The following ARID1A variants were observed in gnomAD, a reference collection of about 807,000 sequenced individuals.
ARID1A encodes AT-rich interactive domain-containing protein 1A.
In ARID1A, 20 loss-of-function variants were observed where a neutral mutation model predicts 212.6. That is an observed-to-expected ratio of 0.09 (90% CI 0.07 to 0.14). The LOEUF is 0.14. Ranked by LOEUF, ARID1A falls within the 10% of genes least tolerant of loss-of-function variation. The pLI, the probability that ARID1A is intolerant of heterozygous loss-of-function variation, is 1.00. For synonymous variants in ARID1A, 1,376 were observed against 1,222.1 expected, an observed-to-expected ratio of 1.13 and a Z score of -2.63; for missense variants, 2,587 against 3,059.0, an observed-to-expected ratio of 0.85 and a Z score of 3.64.
intron 1 of ARID1A, among the ~76,000 whole-genome samples, chr1:26,705,801 G>C (rs1258608298): frequency 6.6e-6 from 1 of 152,164 alleles, no homozygotes; most frequent in African/African-American, 2.4e-5. Flanking sequence ...ACTTCTGTTT[G>C]TTTTTGTTAG....
At chr1:26,704,297 G>A (rs200031651) in intron 1 of ARID1A, among the ~76,000 whole-genome samples, 5 of 152,200 alleles carry the variant, frequency 3.3e-5, no homozygotes, top group African/African-American at 1.2e-4. Context: ...GGAAGGTCAT[G>A]TCACCTTCAG....
Position 26,696,670 on chromosome 1 carries a change from C to CGGCGGCGGCGG in ARID1A, c.267_268insGGCGGCGGCGG (p.Ser90GlyfsTer15). 7.6e-7 allele frequency: 1 copy of CGGCGGCGGCGG among 1,322,760 alleles called. No individual in the cohort carries two copies. The highest frequency in any genetic ancestry group is 9.6e-7 in the Non-Finnish European group (1 of 1,038,208). 81.9% of individuals were successfully genotyped at this position (1,322,760 alleles called of 1,614,324 possible). A position where few individuals can be genotyped will look rare whatever the true frequency, so the allele number is the denominator to read the frequency against. The stretch of plus-strand genomic sequence containing the variant: ...GGGGTGGCGGCGGCGGCGGAGCCGG[C>CGGCGGCGGCGG]AGCGGCGGCGGGCCCGGCGCGGAGC... On this transcript the variant is annotated frameshift_variant, in exon 1 of 20. Transcript: ENST00000324856. LOFTEE classifies it high-confidence loss of function.
At chr1:26,752,207 C>T (rs577498810) in intron 4 of ARID1A, among the ~76,000 whole-genome samples, 3 of 152,160 alleles carry the variant, frequency 2.0e-5, no homozygotes, top group South Asian at 4.1e-4. Context: ...GAATTACCAC[C>T]GGGTGTGAAA....
intron 4 of ARID1A, among the ~76,000 whole-genome samples, chr1:26,741,172 G>A (rs993822623): frequency 4.6e-5 from 7 of 152,148 alleles, no homozygotes; most frequent in African/African-American, 7.2e-5. Flanking sequence ...GGACGATGCC[G>A]GAGGCCATCA....
intron 1 of ARID1A, among the ~76,000 whole-genome samples, chr1:26,704,894 A>G (rs1475095554): frequency 6.6e-6 from 1 of 151,984 alleles, no homozygotes; most frequent in African/African-American, 2.4e-5. Context: ...TTATTAGGTT[A>G]CTATGGCCAA....
chr1:26,767,633 CT>C, intron 10 of ARID1A, among the ~76,000 whole-genome samples, 156 bp from the exon 11 acceptor site: 1 of 152,100 alleles, frequency 6.6e-6, no homozygotes, highest in East Asian at 1.9e-4. Context: ...AAATTTGGTT[CT>C]CTTTTGGCCC....
chr1:26,773,222 G>C, intron 14 of ARID1A, 124 bp from the exon 15 acceptor site: 1 of 1,404,216 alleles, frequency 7.1e-7, no homozygotes, highest in Non-Finnish European at 9.6e-7. Flanking sequence ...TTAGATCTCT[G>C]TTTTGAACTT....
chr1:26,735,349 A>G (rs930241585), intron 4 of ARID1A, among the ~76,000 whole-genome samples: 3 of 152,010 alleles, frequency 2.0e-5, no homozygotes, highest in Non-Finnish European at 2.9e-5. Context: ...CTGGAGTGCA[A>G]TGGCACGATC....
At chr1:26,744,732 A>G (rs2080821171) in intron 4 of ARID1A, among the ~76,000 whole-genome samples, 1 of 152,172 alleles carries the variant, frequency 6.6e-6, no homozygotes, top group African/African-American at 2.4e-5. Flanking sequence ...TGGGCAGGTT[A>G]TGCCATCCTC....
At chr1:26,740,551 G>C (rs985253624) in intron 4 of ARID1A, among the ~76,000 whole-genome samples, 1 of 152,108 alleles carries the variant, frequency 6.6e-6, no homozygotes, top group Non-Finnish European at 1.5e-5. Flanking sequence ...CTTGGGGGCT[G>C]GTCAGCTTCC....
chr1:26,770,898 C>T, intron 11 of ARID1A: 2 of 569,172 alleles, frequency 3.5e-6, no homozygotes, highest in Non-Finnish European at 6.2e-6. Context: ...TGAATAAGCA[C>T]AGTCTGATAG....
At chr1:26,764,074 A>G (rs886915542) in intron 8 of ARID1A, among the ~76,000 whole-genome samples, 16 of 152,178 alleles carry the variant, frequency 1.1e-4, no homozygotes, top group Admixed American at 5.9e-4. Flanking sequence ...GGTTCAACCA[A>G]TTGTCCTGCC....
chr1:26,701,615 T>C (rs1016675896), intron 1 of ARID1A, among the ~76,000 whole-genome samples: 4 of 152,234 alleles, frequency 2.6e-5, no homozygotes, highest in Non-Finnish European at 5.9e-5. Context: ...GAAGTTGGTC[T>C]GCATGGCCTT....
intron 1 of ARID1A, among the ~76,000 whole-genome samples, chr1:26,701,423 AC>A (rs2080330948): frequency 6.6e-6 from 1 of 152,112 alleles, no homozygotes; most frequent in African/African-American, 2.4e-5. Flanking sequence ...ACGCACACTT[AC>A]GTTGTTATTA....
chr1:26,727,551 C>G (rs569180094), intron 1 of ARID1A, among the ~76,000 whole-genome samples: 1 of 152,288 alleles, frequency 6.6e-6, no homozygotes, highest in Non-Finnish European at 1.5e-5. Flanking sequence ...ATTCAAAGAT[C>G]TTAAGGAGGT....
At chr1:26,713,415 A>G (rs1476214169) in intron 1 of ARID1A, among the ~76,000 whole-genome samples, 4 of 150,864 alleles carry the variant, frequency 2.7e-5, no homozygotes, top group South Asian at 2.1e-4. Flanking sequence ...CTGGAGTGCA[A>G]TGGCGTGATC....
intron 1 of ARID1A, among the ~76,000 whole-genome samples, chr1:26,710,631 C>T (rs1050850888): frequency 6.6e-6 from 1 of 151,782 alleles, no homozygotes; most frequent in Admixed American, 6.6e-5. Context: ...AAGCACAGAC[C>T]CTTGGCCAGT....
rs373104677 is a variant in ARID1A, at chr1:26,774,579, C to A, written c.4352C>A (p.Pro1451His). The change falls in exon 18 of 20, where the codon CCC becomes CAC. Residue 1451 changes from proline to histidine, a missense_variant. By Grantham distance (77) the Pro-to-His change is moderately conservative. This residue lies in a region of ARID1A where 890 missense variants were observed against 1,098.2 expected (regional missense o/e 0.81). Coordinates refer to ENST00000324856, the MANE Select transcript of ARID1A (RefSeq NM_006015.6). This position sits in a 1 kb window ranked among gnomAD's most constrained non-coding sequence, Gnocchi z 5.6. ...AATERRPAGG[P>H]QNQFPFQFGR... ...ACTGAGCGCCGACCAGCAGGCGGCC[C>A]CCAGAACCAATTTCCATTCCAGTTT... The A allele has an allele frequency of 3.1e-6, 5 of 1,614,082 alleles. No individual in the cohort carries two copies. The highest frequency in any genetic ancestry group is 3.4e-6 in the Non-Finnish European group (4 of 1,180,034).
chr1:26,756,621 A>T (rs2080940317), intron 4 of ARID1A, among the ~76,000 whole-genome samples: 1 of 151,774 alleles, frequency 6.6e-6, no homozygotes, highest in East Asian at 1.9e-4. Context: ...GATACACACC[A>T]AATTGAACAG....
Sources: allele counts gnomAD v4.1 joint callset (sites outside exome capture counted in the v4.1 genomes callset), GRCh38; gene constraint gnomAD v4.1.1; regional missense constraint gnomAD v4.1.1; non-coding constraint Gnocchi (gnomAD v3.1); transcripts MANE v1.5; gene names NCBI Gene and HGNC (gene_info 2026-07-23, HGNC 2026-07-21).